GOLM2: variants seen among roughly 807,000 people sequenced by gnomAD.
GOLM2 encodes the protein golgi membrane protein 2, also known as protein GOLM2.
GOLM2 carries 26 observed loss-of-function variants against 55.9 expected under a neutral mutation model. That is an observed-to-expected ratio of 0.47 (90% CI 0.34 to 0.65). The LOEUF (loss-of-function observed/expected upper bound fraction) is 0.65. Among genes scored for constraint, GOLM2 ranks in the 30% least tolerant of loss-of-function variants. The pLI is 0.01. For missense variants in GOLM2, 486 were observed against 531.8 expected (o/e 0.91, Z 0.85); for synonymous variants, 165 against 194.6 (o/e 0.85, Z 1.27).
intron 1 of GOLM2, among the ~76,000 whole-genome samples, chr15:44,321,530 A>G (rs1242314273): frequency 2.6e-5 from 4 of 151,922 alleles, no homozygotes; most frequent in African/African-American, 4.8e-5. Context: ...TGATGATAAA[A>G]GTATTCTGCA....
At chr15:44,298,265 CTTT>C (rs1244084019) in intron 1 of GOLM2, among the ~76,000 whole-genome samples, 3 of 134,376 alleles carry the variant, frequency 2.2e-5, no homozygotes, top group Non-Finnish European at 1.6e-5. Flanking sequence ...TTTTCTTTTT[CTTT>C]TTTTTTTTTT....
chr15:44,327,560 C>T (rs528177022), intron 2 of GOLM2, among the ~76,000 whole-genome samples: 10 of 152,080 alleles, frequency 6.6e-5, no homozygotes, highest in Middle Eastern at 3.4e-3. Flanking sequence ...ATATTTTAAT[C>T]TTAATAGCTG....
At chr15:44,330,280 A>G (rs1328172375) in intron 3 of GOLM2, among the ~76,000 whole-genome samples, 2 of 145,442 alleles carry the variant, frequency 1.4e-5, no homozygotes, top group East Asian at 4.2e-4. Flanking sequence ...TGGGAGGCTG[A>G]GGCGGGTGGA....
At chr15:44,307,467 CT>C (rs2078846899) in intron 1 of GOLM2, 4 of 152,396 alleles carry the variant, frequency 2.6e-5, no homozygotes, top group Admixed American at 2.6e-4. Context: ...CCACCTTGGC[CT>C]CCCAAAGTAC....
rs185750637 is a variant in GOLM2, at chr15:44,383,909, G to A, written c.1072+2933G>A. Among the ~76,000 whole-genome samples the A allele has an allele frequency of 4.0e-5, 6 of 151,866 alleles. No homozygotes were observed. The East Asian group carries it at 1.2e-3, about 29-fold the overall frequency. The stretch of plus-strand genomic sequence containing the variant: ...GTCCAGACTGGTATTGAACTCCTGT[G>A]CTCATGTGATCCTCCCATCTCAGCC... On this transcript the variant is annotated intron_variant, in intron 8 of 9. Transcript: ENST00000299957.
intron 1 of GOLM2, among the ~76,000 whole-genome samples, chr15:44,322,299 G>T (rs12148621): frequency 8.5e-5 from 13 of 152,228 alleles, no homozygotes; most frequent in Middle Eastern, 3.4e-3. Flanking sequence ...CCTGGGAGGT[G>T]GAGGTTGCAG....
intron 1 of GOLM2, among the ~76,000 whole-genome samples, chr15:44,301,201 A>T (rs1004466511): frequency 6.6e-6 from 1 of 152,034 alleles, no homozygotes; most frequent in Non-Finnish European, 1.5e-5. Context: ...CCGCCTCAGC[A>T]TCTCAAAGTG....
intron 8 of GOLM2, among the ~76,000 whole-genome samples, chr15:44,384,820 A>G (rs2079430572): frequency 6.6e-6 from 1 of 151,918 alleles, no homozygotes; most frequent in African/African-American, 2.4e-5. Context: ...GAGGCAGGAG[A>G]ATCACTTGAA....
chr15:44,356,942 G>A (rs556665055), intron 6 of GOLM2, among the ~76,000 whole-genome samples: 1 of 152,216 alleles, frequency 6.6e-6, no homozygotes, highest in East Asian at 1.9e-4. Flanking sequence ...AGGCCAAGGT[G>A]GGCAAATTGC....
intron 1 of GOLM2, among the ~76,000 whole-genome samples, chr15:44,322,677 A>G (rs984841847): frequency 6.6e-6 from 1 of 152,224 alleles, no homozygotes; most frequent in Non-Finnish European, 1.5e-5. Context: ...GACAGTGACC[A>G]TAGCTCTGAG....
At chr15:44,338,169 T>G in intron 5 of GOLM2, 68 bp from the exon 6 acceptor site, 1 of 1,454,152 alleles carries the variant, frequency 6.9e-7, no homozygotes, top group Non-Finnish European at 9.6e-7. Context: ...GATTGTTACA[T>G]TCCTTCAAAA....
At chr15:44,322,348 CAGAG>C (rs905088884) in intron 1 of GOLM2, among the ~76,000 whole-genome samples, 27 of 152,178 alleles carry the variant, frequency 1.8e-4, no homozygotes, top group Non-Finnish European at 2.2e-4. Flanking sequence ...GCCTGGGCGA[CAGAG>C]TGAGACTCAG....
chr15:44,398,596 T>C (rs1294200033), intron 8 of GOLM2, among the ~76,000 whole-genome samples: 2 of 151,926 alleles, frequency 1.3e-5, no homozygotes, highest in African/African-American at 2.4e-5. Flanking sequence ...CAAGTGAATA[T>C]AGGAGATTCT....
In GOLM2 at chr15:44,403,060, C is replaced by T. The variant is rs746712915; in HGVS notation, c.1240+6C>T. 23 of 1,613,788 alleles carry T rather than the reference C, an allele frequency of 1.4e-5. No individual in the cohort carries two copies. The highest frequency in any genetic ancestry group is 6.7e-5 in the Admixed American group (4 of 59,958). ...TGGAGAGGAAGACGTCCAAGGTGAGCGTGGGCCTGGCCTCCATGCTATAAC... is the reference window on the plus strand; with the variant it reads ...TGGAGAGGAAGACGTCCAAGGTGAGTGTGGGCCTGGCCTCCATGCTATAAC... On this transcript the variant is annotated splice_donor_region_variant and intron_variant, in intron 9 of 9. Coordinates refer to ENST00000299957, the MANE Select transcript of GOLM2 (RefSeq NM_138423.4).
At chr15:44,298,517 C>T (rs1362808974) in intron 1 of GOLM2, among the ~76,000 whole-genome samples, 18 of 151,126 alleles carry the variant, frequency 1.2e-4, no homozygotes, top group Admixed American at 1.2e-3. Context: ...CTCAGGTGAT[C>T]CACCCACCTG....
At chr15:44,294,618 G>A (rs1279659410) in intron 1 of GOLM2, among the ~76,000 whole-genome samples, 1 of 150,982 alleles carries the variant, frequency 6.6e-6, no homozygotes, top group Non-Finnish European at 1.5e-5. Context: ...GGAGGCTGAG[G>A]CAGGAGAATT....
chr15:44,373,521 C>G (rs972262522), intron 6 of GOLM2, among the ~76,000 whole-genome samples: 1 of 149,952 alleles, frequency 6.7e-6, no homozygotes. Context: ...TTTGGAAGGC[C>G]GAGGCAGGCG....
chr15:44,293,420 T>C (rs1414657549), intron 1 of GOLM2, among the ~76,000 whole-genome samples: 1 of 152,250 alleles, frequency 6.6e-6, no homozygotes, highest in Non-Finnish European at 1.5e-5. Context: ...TGCTGTCCTT[T>C]TTTAATTCCA....
At chr15:44,376,475 T>C (rs1024460014) in intron 6 of GOLM2, among the ~76,000 whole-genome samples, 1 of 152,110 alleles carries the variant, frequency 6.6e-6, no homozygotes, top group African/African-American at 2.4e-5. Context: ...TAGGTACCCC[T>C]GGGCTCAAAT....
Sources: gnomAD v4.1 joint callset for allele counts (sites outside exome capture counted in the v4.1 genomes callset) on GRCh38, gnomAD v4.1.1 for gene constraint, MANE v1.5 for transcripts, NCBI Gene and HGNC (gene_info 2026-07-23, HGNC 2026-07-21) for gene names.